Variants in GATA4 observed in about 807,000 individuals in gnomAD.
GATA4 encodes transcription factor GATA-4.
Under a neutral mutation model 37.9 loss-of-function variants are expected in GATA4, and 7 were observed. The observed-to-expected ratio is 0.18, with a 90% CI of 0.11 to 0.35. The LOEUF (loss-of-function observed/expected upper bound fraction) is 0.35. Ranked by LOEUF, GATA4 falls within the 10% of genes least tolerant of loss-of-function variation. The pLI, the probability that GATA4 is intolerant of heterozygous loss-of-function variation, is 1.00. For missense variants in GATA4, 647 were observed against 653.0 expected (o/e 0.99, Z 0.10); for synonymous variants, 372 against 292.6 (o/e 1.27, Z -2.77).
chr8:11,725,147 G>T (rs900454796), intron 2 of GATA4, among the ~76,000 whole-genome samples: 3 of 152,210 alleles, frequency 2.0e-5, no homozygotes, highest in Admixed American at 6.5e-5. Context: ...AGTCCCTGTG[G>T]GGCTGGGGTA....
upstream of GATA4, among the ~76,000 whole-genome samples, chr8:11,687,658 T>C (rs1380041131): frequency 6.6e-6 from 1 of 152,222 alleles, no homozygotes; most frequent in Non-Finnish European, 1.5e-5. Context: ...ACAGTACTAA[T>C]AAGTAACAGA....
intron 4 of GATA4, among the ~76,000 whole-genome samples, chr8:11,752,706 G>A (rs1802361885): frequency 6.6e-6 from 1 of 152,178 alleles, no homozygotes; most frequent in East Asian, 1.9e-4. Flanking sequence ...AAATCCATTT[G>A]CCTCACTGGG....
chr8:11,722,003 C>T (rs1038072534), intron 2 of GATA4, among the ~76,000 whole-genome samples: 5 of 152,042 alleles, frequency 3.3e-5, no homozygotes, highest in Admixed American at 2.6e-4. Context: ...CAATTTCTAC[C>T]TTTTAAATAG....
At chr8:11,719,651 A>G (rs1800584091) in intron 2 of GATA4, among the ~76,000 whole-genome samples, 1 of 152,238 alleles carries the variant, frequency 6.6e-6, no homozygotes, top group Non-Finnish European at 1.5e-5. Flanking sequence ...ACTTCCAGTT[A>G]TCCTACATAC....
chr8:11,748,782 G>A (rs914474119), intron 2 of GATA4, 134 bp from the exon 3 acceptor site: 13 of 980,634 alleles, frequency 1.3e-5, no homozygotes, highest in African/African-American at 9.6e-5. Context: ...AAGAGCAAGA[G>A]CAGCCCGAGG....
chr8:11,721,451 A>G (rs999506598), intron 2 of GATA4, among the ~76,000 whole-genome samples: 2 of 151,458 alleles, frequency 1.3e-5, no homozygotes, highest in Non-Finnish European at 2.9e-5. Context: ...TGGTATAAGA[A>G]GGCGCAAGCT....
intron 2 of GATA4, among the ~76,000 whole-genome samples, chr8:11,735,952 C>T (rs1801433761): frequency 6.6e-6 from 1 of 152,068 alleles, no homozygotes; most frequent in Non-Finnish European, 1.5e-5. Context: ...GCTTTGTCAC[C>T]CAGGTTGGAG....
At chr8:11,755,340 G>A (rs1000671393) in intron 5 of GATA4, among the ~76,000 whole-genome samples, 21 of 152,200 alleles carry the variant, frequency 1.4e-4, no homozygotes, top group African/African-American at 4.3e-4. Context: ...TTCGAAGCAG[G>A]CTCAACTCAA....
At position 11,709,078 on chromosome 8, in the gene GATA4, A is replaced by C. The variant is rs975934267; in HGVS notation, c.616+150A>C. ...CGAGTTTCTAGGGAAGGCAGAAGCC[A>C]GTGCGGGGCTGGCGACATCACAGCC... On this transcript the variant is annotated intron_variant, in intron 2 of 6. Coordinates refer to ENST00000532059, the MANE Select transcript of GATA4 (RefSeq NM_001308093.3). This position sits in a 1 kb window ranked among gnomAD's most constrained non-coding sequence, Gnocchi z 4.3. The C allele has an allele frequency of 2.3e-6, 2 of 855,938 alleles. No homozygotes were observed. The highest frequency in any genetic ancestry group is 1.8e-5 in the African/African-American group (1 of 55,234). The allele number at this position is 855,938 out of a possible 1,614,324, so 53.0% of individuals were successfully genotyped here.
At chr8:11,712,090 T>G (rs1800209972) in intron 2 of GATA4, among the ~76,000 whole-genome samples, 1 of 152,252 alleles carries the variant, frequency 6.6e-6, no homozygotes, top group South Asian at 2.1e-4. Context: ...ATAACAATTT[T>G]TAGTGTTGCC....
chr8:11,705,348 C>G (rs1165065112), intron 1 of GATA4, among the ~76,000 whole-genome samples: 16 of 152,222 alleles, frequency 1.1e-4, no homozygotes, highest in Non-Finnish European at 2.2e-4. Flanking sequence ...TTGGTTGTGC[C>G]GGCTAGCGTG....
chr8:11,680,630 C>A (rs1798933593), intron 1 of GATA4: 1 of 985,300 alleles, frequency 1.0e-6, no homozygotes, highest in Non-Finnish European at 1.2e-6. Flanking sequence ...CCTCTTGCCA[C>A]GCCTGGCGCT....
chr8:11,692,488 C>T (rs1390406006), upstream of GATA4: 5 of 984,006 alleles, frequency 5.1e-6, no homozygotes, highest in African/African-American at 3.5e-5. Context: ...GAATTTTCTC[C>T]TCCCGTGCAC....
At chr8:11,679,564 G>A (rs887945139) in intron 1 of GATA4, among the ~76,000 whole-genome samples, 1 of 152,242 alleles carries the variant, frequency 6.6e-6, no homozygotes, top group Non-Finnish European at 1.5e-5. Flanking sequence ...GCCCTGGGCC[G>A]CTTGCGGGGC....
intron 2 of GATA4, among the ~76,000 whole-genome samples, chr8:11,726,553 G>A (rs1043817926): frequency 2.0e-5 from 3 of 152,254 alleles, no homozygotes; most frequent in African/African-American, 7.2e-5. Flanking sequence ...AGGGCTAAGG[G>A]CTGGTGCACA....
In GATA4 at chr8:11,709,063, G is replaced by C; in HGVS notation, c.616+135G>C. Reference sequence around the variant, plus strand: ...GGTGCTTCACTACCTCGAGTTTCTAGGGAAGGCAGAAGCCAGTGCGGGGCT... The same window carrying C: ...GGTGCTTCACTACCTCGAGTTTCTACGGAAGGCAGAAGCCAGTGCGGGGCT... On this transcript the variant is annotated intron_variant, in intron 2 of 6. Transcript: ENST00000532059. This position sits in a 1 kb window ranked among gnomAD's most constrained non-coding sequence, Gnocchi z 4.3. 1.0e-6 allele frequency: 1 copy of C among 952,476 alleles called. No homozygotes were observed. Among genetic ancestry groups the C allele is most frequent in the South Asian group, 2.0e-5 (1 of 48,804 alleles). The allele number at this position is 952,476 out of a possible 1,614,324, so 59.0% of individuals were successfully genotyped here.
chr8:11,721,342 G>A (rs1269659396), intron 2 of GATA4, among the ~76,000 whole-genome samples: 2 of 148,896 alleles, frequency 1.3e-5, no homozygotes, highest in Admixed American at 6.7e-5. Flanking sequence ...TGGAGGGCGC[G>A]AGGCAGGAAT....
chr8:11,732,160 C>A (rs565406196), intron 2 of GATA4, among the ~76,000 whole-genome samples: 1 of 152,326 alleles, frequency 6.6e-6, no homozygotes, highest in South Asian at 2.1e-4. Context: ...TTTAAAATTT[C>A]TTTGGAATGC....
chr8:11,756,702 T>A (rs1171459505), intron 5 of GATA4: 37 of 590,670 alleles, frequency 6.3e-5, no homozygotes, highest in African/African-American at 2.1e-4. Flanking sequence ...AATCTTTTTT[T>A]AAAAAGTTTT....
Sources: gnomAD v4.1 joint callset for allele counts (sites outside exome capture counted in the v4.1 genomes callset) on GRCh38, gnomAD v4.1.1 for gene constraint, Gnocchi (gnomAD v3.1) non-coding constraint, MANE v1.5 for transcripts, NCBI Gene and HGNC (gene_info 2026-07-23, HGNC 2026-07-21) for gene names.